The following CDH13 variants were observed in gnomAD, a reference collection of about 807,000 sequenced individuals.
The protein encoded by CDH13 is cadherin-13.
A neutral mutation model predicts 63.8 loss-of-function variants in CDH13; 24 were observed. The observed-to-expected ratio is 0.38, with a 90% confidence interval of 0.27 to 0.53. The LOEUF is 0.53. Ranked by LOEUF, CDH13 falls within the 20% of genes least tolerant of loss-of-function variation. CDH13 has a pLI of 0.85. For missense variants in CDH13, 1,049 were observed against 903.1 expected, an observed-to-expected ratio of 1.16 and a Z score of -2.07; for synonymous variants, 503 against 355.3, an observed-to-expected ratio of 1.42 and a Z score of -4.67.
At chr16:83,549,584 C>T (rs1165907976) in intron 7 of CDH13, among the ~76,000 whole-genome samples, 1 of 151,732 alleles carries the variant, frequency 6.6e-6, no homozygotes, top group Non-Finnish European at 1.5e-5. Context: ...ACTCCCTAAC[C>T]CCACTCCCGT....
At chr16:83,405,781 C>A (rs1477252847) in intron 6 of CDH13, among the ~76,000 whole-genome samples, 1 of 152,188 alleles carries the variant, frequency 6.6e-6, no homozygotes, top group Non-Finnish European at 1.5e-5. Context: ...TCCTTTCTCC[C>A]AAATTAGGTT....
intron 7 of CDH13, among the ~76,000 whole-genome samples, chr16:83,570,572 C>T (rs1453823456): frequency 6.6e-6 from 1 of 151,936 alleles, no homozygotes; most frequent in East Asian, 1.9e-4. Flanking sequence ...TGGGAAGGAA[C>T]TAGCACAGTG....
intron 1 of CDH13, among the ~76,000 whole-genome samples, chr16:82,648,279 T>A (rs3844414): frequency 6.6e-6 from 1 of 152,096 alleles, no homozygotes; most frequent in Non-Finnish European, 1.5e-5. Flanking sequence ...CAGGAAAATA[T>A]GTACAAAATA....
At chr16:83,645,197 G>T (rs1911675975) in intron 8 of CDH13, among the ~76,000 whole-genome samples, 1 of 152,210 alleles carries the variant, frequency 6.6e-6, no homozygotes, top group South Asian at 2.1e-4. Flanking sequence ...GTATACACAG[G>T]TGAAATACTA....
At chr16:83,169,216 C>T (rs931925588) in intron 4 of CDH13, among the ~76,000 whole-genome samples, 2 of 149,896 alleles carry the variant, frequency 1.3e-5, no homozygotes, top group African/African-American at 4.9e-5. Context: ...CTCACTTTGT[C>T]GCCAGGCTGG....
chr16:83,245,137 A>G (rs894243002), intron 5 of CDH13, among the ~76,000 whole-genome samples: 3 of 150,956 alleles, frequency 2.0e-5, no homozygotes, highest in African/African-American at 7.4e-5. Context: ...AAAAAGTTTC[A>G]TATTCAGATA....
intron 5 of CDH13, among the ~76,000 whole-genome samples, chr16:83,228,593 G>A (rs1212887812): frequency 6.6e-6 from 1 of 152,220 alleles, no homozygotes; most frequent in African/African-American, 2.4e-5. Context: ...TCAAGAATGA[G>A]GAATGACAGG....
intron 7 of CDH13, among the ~76,000 whole-genome samples, chr16:83,524,540 C>A (rs2074913960): frequency 6.9e-6 from 1 of 145,712 alleles, no homozygotes; most frequent in South Asian, 2.2e-4. Context: ...GCAAGCTCCG[C>A]CTCCTGGGTT....
intron 1 of CDH13, among the ~76,000 whole-genome samples, chr16:82,716,819 G>A (rs1001497825): frequency 6.6e-6 from 1 of 151,706 alleles, no homozygotes; most frequent in African/African-American, 2.4e-5. Flanking sequence ...TTCCAGCCAA[G>A]CACGTGATAA....
At chr16:83,196,022 G>C (rs547626036) in intron 4 of CDH13, among the ~76,000 whole-genome samples, 42 of 152,284 alleles carry the variant, frequency 2.8e-4, no homozygotes. Context: ...TTGGGAGGCC[G>C]AGGCAGGCGG....
At chr16:83,169,426 C>T (rs13332064) in intron 4 of CDH13, among the ~76,000 whole-genome samples, 26,950 of 151,990 alleles carry the variant, frequency 0.18, 2,536 homozygotes, top group African/African-American at 0.2. Context: ...CTGCCTGCCT[C>T]GGCTTCCCGA....
intron 5 of CDH13, among the ~76,000 whole-genome samples, chr16:83,219,323 C>G (rs1001951034): frequency 3.3e-5 from 5 of 152,118 alleles, no homozygotes; most frequent in African/African-American, 1.2e-4. Flanking sequence ...TTTTTAAAAA[C>G]TGAGGCCATA....
intron 1 of CDH13, among the ~76,000 whole-genome samples, chr16:82,820,090 A>G (rs2151093415): frequency 6.6e-6 from 1 of 152,278 alleles, no homozygotes; most frequent in East Asian, 1.9e-4. Flanking sequence ...ACTCACCAGC[A>G]TCTCTTAGCT....
At chr16:83,321,264 C>T (rs575583499) in intron 5 of CDH13, among the ~76,000 whole-genome samples, 8 of 152,258 alleles carry the variant, frequency 5.3e-5, no homozygotes, top group Non-Finnish European at 1.2e-4. Context: ...AAGTTGATTT[C>T]CTTTTACACC....
chr16:82,842,921 G>A (rs1011129291), intron 1 of CDH13, among the ~76,000 whole-genome samples: 4 of 152,150 alleles, frequency 2.6e-5, no homozygotes, highest in African/African-American at 9.7e-5. Context: ...AGACTCTAAT[G>A]TTATTGCTGG....
At chr16:83,264,007 T>C (rs573711838) in intron 5 of CDH13, among the ~76,000 whole-genome samples, 1 of 152,340 alleles carries the variant, frequency 6.6e-6, no homozygotes, top group Admixed American at 6.5e-5. Flanking sequence ...GATTCCAAGA[T>C]AGAAGTACCC....
chr16:82,657,150 T>C (rs534409665), intron 1 of CDH13, among the ~76,000 whole-genome samples: 2 of 151,400 alleles, frequency 1.3e-5, no homozygotes, highest in Admixed American at 6.6e-5. Flanking sequence ...AAACTATGGA[T>C]TGTACCAAGC....
Position 83,356,397 on chromosome 16 carries a change from G to A in CDH13, c.781+11391G>A, listed in dbSNP as rs895369026. Among the ~76,000 whole-genome samples the A allele has an allele frequency of 3.9e-5, 6 of 152,184 alleles. No homozygotes were observed. In the East Asian group the frequency reaches 1.2e-3, roughly 29 times the overall value. ...AATAAAGCCAGATTCTCCCCCTAGC[G>A]GTAGTTTGAGAGATGCTCAACAACT... is the stretch of plus-strand genomic sequence containing the variant. On this transcript the variant is annotated intron_variant, in intron 6 of 13. Coordinates refer to ENST00000567109, the MANE Select transcript of CDH13 (RefSeq NM_001257.5).
In CDH13 at chr16:83,678,468, G is replaced by A. The variant is rs1218542600; in HGVS notation, c.1538+7G>A. On this transcript the variant is annotated splice_region_variant and intron_variant, in intron 10 of 13. Transcript: ENST00000567109. Reference sequence around the variant, plus strand: ...TGCAGCATCAAACCATCAGGTGGGTGAGTGGCTCCGGAACCACAGACGGGA... The same window carrying A: ...TGCAGCATCAAACCATCAGGTGGGTAAGTGGCTCCGGAACCACAGACGGGA... 4 of 1,613,696 alleles carry A rather than the reference G, an allele frequency of 2.5e-6. No individual in the cohort carries two copies. Among genetic ancestry groups the A allele is most frequent in the Non-Finnish European group, 3.4e-6 (4 of 1,179,776 alleles).
Sources: allele counts gnomAD v4.1 joint callset (sites outside exome capture counted in the v4.1 genomes callset), GRCh38; gene constraint gnomAD v4.1.1; transcripts MANE v1.5; gene names NCBI Gene and HGNC (gene_info 2026-07-23, HGNC 2026-07-21).